Variants in IMMP2L observed in about 807,000 individuals in gnomAD.
IMMP2L encodes the protein mitochondrial inner membrane protease subunit 2.
IMMP2L carries 18 observed loss-of-function variants against 19.3 expected under a neutral mutation model. The observed-to-expected ratio is 0.93, with a 90% CI of 0.64 to 1.38. The LOEUF (loss-of-function observed/expected upper bound fraction) is 1.38, where lower values mean the gene tolerates loss of function less well. Among genes scored for constraint, IMMP2L ranks in the 40% most tolerant of loss-of-function variants. The pLI is 0.00. For synonymous variants in IMMP2L, 76 were observed against 73.0 expected (o/e 1.04, Z -0.21); for missense variants, 233 against 218.2 (o/e 1.07, Z -0.43).
intron 3 of IMMP2L, among the ~76,000 whole-genome samples, chr7:111,450,418 A>G (rs1431230865): frequency 6.6e-6 from 1 of 152,052 alleles, no homozygotes; most frequent in Admixed American, 6.6e-5. Context: ...ACCTACAACT[A>G]TCTGATCTTT....
intron 5 of IMMP2L, among the ~76,000 whole-genome samples, chr7:110,885,041 G>A (rs755033899): frequency 2.0e-5 from 3 of 151,676 alleles, no homozygotes; most frequent in African/African-American, 7.3e-5. Flanking sequence ...AGAGACCACC[G>A]ACATTAAATT....
chr7:110,970,047 C>G (rs1196745676), intron 3 of IMMP2L, among the ~76,000 whole-genome samples: 2 of 152,038 alleles, frequency 1.3e-5, no homozygotes, highest in South Asian at 2.1e-4. Context: ...TTCACTTTCA[C>G]CAAATGTGAT....
At chr7:110,739,276 T>C (rs890585818) in intron 5 of IMMP2L, among the ~76,000 whole-genome samples, 1 of 152,128 alleles carries the variant, frequency 6.6e-6, no homozygotes, top group Non-Finnish European at 1.5e-5. Flanking sequence ...AATGGCAGAA[T>C]GTATAAGAAT....
chr7:111,372,051 T>A (rs1281778775), intron 3 of IMMP2L, among the ~76,000 whole-genome samples: 2 of 151,974 alleles, frequency 1.3e-5, no homozygotes, highest in African/African-American at 4.8e-5. Context: ...TCCAATTTTG[T>A]CAAGGAGAAA....
chr7:110,747,842 A>T (rs1269102570), intron 5 of IMMP2L, among the ~76,000 whole-genome samples: 2 of 151,000 alleles, frequency 1.3e-5, no homozygotes, highest in African/African-American at 5.0e-5. Context: ...CCAGCACAAG[A>T]CCAGGATGCC....
At chr7:111,239,551 G>T (rs560776295) in intron 3 of IMMP2L, among the ~76,000 whole-genome samples, 1 of 151,882 alleles carries the variant, frequency 6.6e-6, no homozygotes, top group Non-Finnish European at 1.5e-5. Context: ...TCTTAATTTA[G>T]GTCTAGTTGA....
At chr7:111,431,927 A>T (rs1251044671) in intron 3 of IMMP2L, among the ~76,000 whole-genome samples, 2 of 151,018 alleles carry the variant, frequency 1.3e-5, no homozygotes, top group African/African-American at 4.9e-5. Context: ...CTTTCCTCAG[A>T]TTTAAAAAAA....
intron 3 of IMMP2L, among the ~76,000 whole-genome samples, chr7:111,340,044 C>T (rs942980783): frequency 2.6e-5 from 4 of 151,846 alleles, no homozygotes; most frequent in Non-Finnish European, 5.9e-5. Context: ...AGAAACAATT[C>T]ACTGTAACAT....
At chr7:110,960,306 C>A (rs929534543) in intron 4 of IMMP2L, among the ~76,000 whole-genome samples, 6 of 151,894 alleles carry the variant, frequency 4.0e-5, no homozygotes, top group Admixed American at 6.6e-5. Context: ...AATTTTAGGA[C>A]ATTTTCATAC....
chr7:110,785,177 C>A (rs1799986034), intron 5 of IMMP2L, among the ~76,000 whole-genome samples: 1 of 151,770 alleles, frequency 6.6e-6, no homozygotes, highest in South Asian at 2.1e-4. Context: ...TTACCAAAAG[C>A]TATTGGTAAA....
intron 2 of IMMP2L, among the ~76,000 whole-genome samples, chr7:111,512,933 C>T (rs1185244371): frequency 6.6e-6 from 1 of 152,068 alleles, no homozygotes; most frequent in Non-Finnish European, 1.5e-5. Context: ...TTATCTCACA[C>T]CATATACAAA....
intron 5 of IMMP2L, among the ~76,000 whole-genome samples, chr7:110,806,331 T>C (rs564682406): frequency 4.3e-4 from 65 of 152,086 alleles, no homozygotes; most frequent in Middle Eastern, 3.4e-3. Context: ...AATGCAGATA[T>C]TATTTGGCAT....
At chr7:111,128,751 G>A (rs1801559736) in intron 3 of IMMP2L, among the ~76,000 whole-genome samples, 1 of 152,164 alleles carries the variant, frequency 6.6e-6, no homozygotes, top group East Asian at 1.9e-4. Context: ...CTTGAATCTG[G>A]GAGGCGGAGG....
intron 3 of IMMP2L, among the ~76,000 whole-genome samples, chr7:111,133,182 T>C (rs994129473): frequency 3.9e-5 from 6 of 151,996 alleles, no homozygotes; most frequent in African/African-American, 9.7e-5. Context: ...AGATTCAACA[T>C]TGACTGCAAT....
chr7:110,932,959 T>C (rs780857420), intron 4 of IMMP2L, among the ~76,000 whole-genome samples: 2 of 152,168 alleles, frequency 1.3e-5, no homozygotes, highest in Non-Finnish European at 2.9e-5. Context: ...TTTCAGAATA[T>C]TACATCGCAA....
chr7:111,138,001 G>C (rs1029308943), intron 3 of IMMP2L, among the ~76,000 whole-genome samples: 1 of 151,818 alleles, frequency 6.6e-6, no homozygotes, highest in East Asian at 1.9e-4. Flanking sequence ...ATTTTTGTGG[G>C]GTTTTTTTTG....
At chr7:111,417,226 T>C (rs1327111435) in intron 3 of IMMP2L, among the ~76,000 whole-genome samples, 1 of 151,830 alleles carries the variant, frequency 6.6e-6, no homozygotes, top group Non-Finnish European at 1.5e-5. Context: ...TCCATGATTA[T>C]ATATTTTAGT....
At chr7:111,289,499 A>T (rs1175207046) in intron 3 of IMMP2L, among the ~76,000 whole-genome samples, 1 of 152,076 alleles carries the variant, frequency 6.6e-6, no homozygotes, top group East Asian at 1.9e-4. Flanking sequence ...TTTAGTGCTT[A>T]ATTTGTAAGG....
At chr7:111,061,267 G>A (rs963159633) in intron 3 of IMMP2L, among the ~76,000 whole-genome samples, 13 of 152,152 alleles carry the variant, frequency 8.5e-5, no homozygotes, top group South Asian at 2.1e-4. Context: ...AGATTAATCA[G>A]ACTGGCTAGT....
Sources: allele counts gnomAD v4.1 joint callset (sites outside exome capture counted in the v4.1 genomes callset), GRCh38; gene constraint gnomAD v4.1.1; transcripts MANE v1.5; gene names NCBI Gene and HGNC (gene_info 2026-07-23, HGNC 2026-07-21).